The following KCNIP4 variants were observed in gnomAD, a reference collection of about 807,000 sequenced individuals.
KCNIP4 encodes the protein potassium voltage-gated channel interacting protein 4.
Under a neutral mutation model 34.0 loss-of-function variants are expected in KCNIP4, and 12 were observed. That is an observed-to-expected ratio of 0.35 (90% CI 0.23 to 0.57). The LOEUF (loss-of-function observed/expected upper bound fraction) is 0.57. Ranked by LOEUF, KCNIP4 falls within the 20% of genes least tolerant of loss-of-function variation. The pLI is 0.83. For missense variants in KCNIP4, 238 were observed against 311.7 expected (o/e 0.76, Z 1.78); for synonymous variants, 124 against 102.2 (o/e 1.21, Z -1.29).
chr4:21,582,819 A>G lies in KCNIP4; in HGVS notation c.61+365752T>C, dbSNP rs190133697. On this transcript the variant is annotated intron_variant, in intron 1 of 8. Coordinates refer to ENST00000382152, the MANE Select transcript of KCNIP4 (RefSeq NM_025221.6). ...AATGCACCCTCCTGAGATAACTAGG[A>G]AGTCTCCATTTTACATTTAGCTAGT... Among the ~76,000 whole-genome samples, 20 of 152,072 alleles carry G rather than the reference A, an allele frequency of 1.3e-4. No homozygotes were observed. The East Asian group carries it at 3.9e-3, about 29-fold the overall frequency.
intron 1 of KCNIP4, among the ~76,000 whole-genome samples, chr4:20,978,450 A>C (rs1481176546): frequency 6.6e-6 from 1 of 152,216 alleles, no homozygotes. Flanking sequence ...GCTAAACAGC[A>C]AGGATAACTG....
intron 2 of KCNIP4, among the ~76,000 whole-genome samples, chr4:20,867,436 A>G (rs552842984): frequency 7.2e-5 from 11 of 152,222 alleles, no homozygotes; most frequent in African/African-American, 2.6e-4. Context: ...AGGACTCCCT[A>G]TTCAATAAAT....
chr4:21,673,340 T>C (rs1348111759), intron 1 of KCNIP4, among the ~76,000 whole-genome samples: 2 of 152,214 alleles, frequency 1.3e-5, no homozygotes, highest in Non-Finnish European at 2.9e-5. Context: ...TCTTCTTGGT[T>C]CTCTTAGTTG....
intron 1 of KCNIP4, among the ~76,000 whole-genome samples, chr4:21,061,173 A>G (rs1743886437): frequency 6.6e-6 from 1 of 152,148 alleles, no homozygotes; most frequent in Non-Finnish European, 1.5e-5. Flanking sequence ...ATTAACATTT[A>G]TAATTTGTAA....
At chr4:21,931,648 T>C (rs1477658658) in intron 1 of KCNIP4, among the ~76,000 whole-genome samples, 1 of 152,100 alleles carries the variant, frequency 6.6e-6, no homozygotes, top group Non-Finnish European at 1.5e-5. Context: ...ATGGTGTATA[T>C]GTGACACATT....
intron 1 of KCNIP4, among the ~76,000 whole-genome samples, chr4:21,715,420 G>A (rs181786085): frequency 1.4e-4 from 21 of 152,102 alleles, no homozygotes; most frequent in South Asian, 2.1e-4. Context: ...GTGAGCCACC[G>A]CGCCCAGCCT....
In KCNIP4 at chr4:21,946,841, G is replaced by A. The variant is rs538033516; in HGVS notation, c.61+1730C>T. On this transcript the variant is annotated intron_variant, in intron 1 of 8. Coordinates refer to ENST00000382152, the MANE Select transcript of KCNIP4 (RefSeq NM_025221.6). ...TAAACAGTGAACACATGCTGATTCT[G>A]GAGATAGCAGTAAAAGGTTTGCTTT... Among the ~76,000 whole-genome samples the A allele has an allele frequency of 3.0e-4, 45 of 152,228 alleles. 1 individual carries two copies. In the South Asian group the frequency reaches 9.2e-3, roughly 31 times the overall value.
intron 1 of KCNIP4, among the ~76,000 whole-genome samples, chr4:21,504,980 A>G (rs1037474857): frequency 6.6e-6 from 1 of 152,180 alleles, no homozygotes; most frequent in Non-Finnish European, 1.5e-5. Flanking sequence ...TATAGTAACA[A>G]GTAATAAAAA....
intron 1 of KCNIP4, among the ~76,000 whole-genome samples, chr4:21,676,372 A>G (rs1211449091): frequency 6.6e-6 from 1 of 152,214 alleles, no homozygotes; most frequent in Non-Finnish European, 1.5e-5. Context: ...AGTTGTCCTC[A>G]AGTCTTGTCA....
chr4:21,700,647 T>C (rs766881036), intron 1 of KCNIP4, among the ~76,000 whole-genome samples: 10 of 152,188 alleles, frequency 6.6e-5, no homozygotes, highest in Admixed American at 1.3e-4. Context: ...TCTGTGCTTT[T>C]GGGGTCCTAT....
At chr4:21,906,966 C>T (rs548870418) in intron 1 of KCNIP4, among the ~76,000 whole-genome samples, 18 of 152,278 alleles carry the variant, frequency 1.2e-4, no homozygotes, top group Admixed American at 6.5e-4. Context: ...CTTTGATACA[C>T]GAAGCTTTAG....
At chr4:21,887,498 G>C (rs1726849077) in intron 1 of KCNIP4, among the ~76,000 whole-genome samples, 2 of 151,942 alleles carry the variant, frequency 1.3e-5, no homozygotes, top group African/African-American at 4.8e-5. Context: ...TGAATTTTGG[G>C]GGAACACAAA....
chr4:21,678,834 G>T (rs1750120553), intron 1 of KCNIP4, among the ~76,000 whole-genome samples: 1 of 152,100 alleles, frequency 6.6e-6, no homozygotes, highest in Admixed American at 6.5e-5. Flanking sequence ...AAACTTGTTT[G>T]TTGAAGTCCT....
intron 1 of KCNIP4, among the ~76,000 whole-genome samples, chr4:21,608,629 A>G (rs554114949): frequency 2.3e-4 from 35 of 152,316 alleles, no homozygotes; most frequent in Admixed American, 9.2e-4. Context: ...AGCCTTTATC[A>G]CATCTGCCAG....
chr4:21,469,977 T>C (rs550075728), intron 1 of KCNIP4, among the ~76,000 whole-genome samples: 2 of 152,322 alleles, frequency 1.3e-5, no homozygotes, highest in South Asian at 4.1e-4. Context: ...TGTTTTGCGC[T>C]TTTCTGTTAA....
At chr4:21,776,114 C>T (rs981202179) in intron 1 of KCNIP4, among the ~76,000 whole-genome samples, 6 of 152,132 alleles carry the variant, frequency 3.9e-5, no homozygotes, top group Non-Finnish European at 7.4e-5. Context: ...TGCACAGTTC[C>T]GTGGAAAAAG....
At chr4:21,672,879 C>G (rs567142469) in intron 1 of KCNIP4, among the ~76,000 whole-genome samples, 2 of 152,324 alleles carry the variant, frequency 1.3e-5, no homozygotes, top group East Asian at 3.9e-4. Flanking sequence ...CCTGGGAGAT[C>G]TGCTGCCATC....
At chr4:20,787,138 C>T (rs1578618189) in intron 3 of KCNIP4, among the ~76,000 whole-genome samples, 1 of 152,140 alleles carries the variant, frequency 6.6e-6, no homozygotes, top group Non-Finnish European at 1.5e-5. Flanking sequence ...CATAGGCAGA[C>T]AGTTTAGATA....
chr4:21,389,937 A>G (rs1171719339), intron 1 of KCNIP4, among the ~76,000 whole-genome samples: 3 of 150,304 alleles, frequency 2.0e-5, no homozygotes, highest in Non-Finnish European at 4.4e-5. Flanking sequence ...AAGTGTTTCT[A>G]TTTCTCCACA....
Sources: gnomAD v4.1 joint callset for allele counts (sites outside exome capture counted in the v4.1 genomes callset) on GRCh38, gnomAD v4.1.1 for gene constraint, MANE v1.5 for transcripts, NCBI Gene and HGNC (gene_info 2026-07-23, HGNC 2026-07-21) for gene names.